STEAP1B: variants seen among roughly 807,000 people sequenced by gnomAD.
The protein encoded by STEAP1B is STEAP family protein MGC87042.
In STEAP1B, 13 loss-of-function variants were observed where a neutral mutation model predicts 27.9. That is an observed-to-expected ratio of 0.47 (90% CI 0.30 to 0.74). STEAP1B has a LOEUF of 0.74. STEAP1B is among the 30% of genes least tolerant of loss of function. The probability of loss-of-function intolerance (pLI) is 0.06; values close to 1 mark genes in which losing one functional copy is unlikely to be tolerated. For missense variants in STEAP1B, 250 were observed against 298.7 expected (o/e 0.84, Z 1.20); for synonymous variants, 86 against 107.1 (o/e 0.80, Z 1.22).
intron 4 of STEAP1B, among the ~76,000 whole-genome samples, chr7:22,479,760 G>T (rs4585644): frequency 6.9e-6 from 1 of 145,500 alleles, no homozygotes; most frequent in Admixed American, 6.9e-5. Flanking sequence ...TCTTGGCCCA[G>T]TGCAGCCTCC....
rs1786084185 is a variant in STEAP1B, at chr7:22,482,038, TC to T, written c.762+10526del. Reference sequence around the variant, plus strand: ...TGTGTTCTCTCTGGAAACTGACTGCTCCCCACAGGGGCCAGGCAGAGCCATG... The same window carrying T: ...TGTGTTCTCTCTGGAAACTGACTGCTCCCACAGGGGCCAGGCAGAGCCATG... On this transcript the variant is annotated intron_variant, in intron 4 of 4. Coordinates refer to ENST00000678116, the MANE Select transcript of STEAP1B (RefSeq NM_001382447.1). Among the ~76,000 whole-genome samples the T allele has an allele frequency of 2.0e-5, 3 of 152,274 alleles. No individual in the cohort carries two copies. In the South Asian group the frequency reaches 6.2e-4, roughly 32 times the overall value.
intron 4 of STEAP1B, among the ~76,000 whole-genome samples, chr7:22,477,149 C>A (rs1785987091): frequency 6.6e-6 from 1 of 152,198 alleles, no homozygotes; most frequent in African/African-American, 2.4e-5. Flanking sequence ...TGGTGAGACG[C>A]AAGTCATGGG....
chr7:22,425,458 T>C (rs1785094079), intron 4 of STEAP1B, among the ~76,000 whole-genome samples: 1 of 152,126 alleles, frequency 6.6e-6, no homozygotes, highest in Non-Finnish European at 1.5e-5. Flanking sequence ...AGGCCCAAAG[T>C]CAGTCAACGC....
intron 4 of STEAP1B, among the ~76,000 whole-genome samples, chr7:22,476,903 T>A (rs1462829302): frequency 1.3e-5 from 2 of 152,196 alleles, no homozygotes; most frequent in Non-Finnish European, 2.9e-5. Flanking sequence ...CATCTCCTTG[T>A]GGCTCAGTGC....
At position 22,493,708 on chromosome 7, in the gene STEAP1B, C is replaced by A; in HGVS notation, c.213G>T (p.Trp71Cys). The A allele has an allele frequency of 6.2e-7, 1 of 1,613,966 alleles. No individual in the cohort carries two copies. The highest frequency in any genetic ancestry group is 8.5e-7 in the Non-Finnish European group (1 of 1,179,862). ...CAGCAGCTATTTTAATTGGCAAGTGCCACTGTGGAAAGAGTTCCTGTGCGT... is the reference window on the plus strand; with the variant it reads ...CAGCAGCTATTTTAATTGGCAAGTGACACTGTGGAAAGAGTTCCTGTGCGT... ...LQHAQELFPQWHLPIKIAAVM... is the reference protein window; with the variant it reads ...LQHAQELFPQCHLPIKIAAVM... Residue 71 changes from tryptophan (W) to cysteine (C), a missense_variant, in exon 3 of 5, where the codon TGG becomes TGT. Transcript: ENST00000678116.
intron 2 of STEAP1B, among the ~76,000 whole-genome samples, chr7:22,494,135 C>T (rs542679754): frequency 1.4e-5 from 2 of 142,718 alleles, no homozygotes; most frequent in Admixed American, 7.0e-5. Flanking sequence ...TTATTAATTA[C>T]TTTTCCCTAT....
chr7:22,491,474 G>T (rs1786320390), intron 4 of STEAP1B, among the ~76,000 whole-genome samples: 1 of 152,042 alleles, frequency 6.6e-6, no homozygotes, highest in Non-Finnish European at 1.5e-5. Flanking sequence ...GAGAGCGAAA[G>T]GGAGAGAAAG....
At chr7:22,494,008 CTT>C (rs1437879669) in intron 2 of STEAP1B, among the ~76,000 whole-genome samples, 172 bp from the exon 3 acceptor site, 6 of 137,776 alleles carry the variant, frequency 4.4e-5, no homozygotes, top group Non-Finnish European at 9.3e-5. Context: ...CACTGAAAGA[CTT>C]TTGTCTTTAG....
chr7:22,469,832 T>C (rs1354892122), intron 4 of STEAP1B, among the ~76,000 whole-genome samples: 1 of 152,212 alleles, frequency 6.6e-6, no homozygotes, highest in Non-Finnish European at 1.5e-5. Context: ...GAGTGCATAC[T>C]GCAGAGCCAG....
At position 22,484,962 on chromosome 7, in the gene STEAP1B, T is replaced by G. The variant is rs143699406; in HGVS notation, c.762+7603A>C. Among the ~76,000 whole-genome samples the G allele has an allele frequency of 3.9e-5, 6 of 152,362 alleles. No individual in the cohort carries two copies. In the East Asian group the frequency reaches 1.2e-3, roughly 29 times the overall value. On this transcript the variant is annotated intron_variant, in intron 4 of 4. Transcript: ENST00000678116. The stretch of plus-strand genomic sequence containing the variant: ...CAGCCTGAAGCTGTGACTGAGTTGC[T>G]GCAATTTCATGATAAAACTTGAACA...
intron 4 of STEAP1B, among the ~76,000 whole-genome samples, chr7:22,474,092 T>C (rs1236690507): frequency 6.6e-6 from 1 of 152,242 alleles, no homozygotes; most frequent in African/African-American, 2.4e-5. Flanking sequence ...TCAACTTATA[T>C]GCCTGGCAGT....
At chr7:22,424,862 GA>G (rs909340411) in intron 4 of STEAP1B, among the ~76,000 whole-genome samples, 1 of 126,138 alleles carries the variant, frequency 7.9e-6, no homozygotes, top group Non-Finnish European at 1.7e-5. Context: ...ATTCAGTAAA[GA>G]AAAAAAATCA....
chr7:22,496,408 C>T (rs528864826), intron 1 of STEAP1B, among the ~76,000 whole-genome samples: 51 of 152,022 alleles, frequency 3.4e-4, no homozygotes, highest in Non-Finnish European at 5.9e-4. Flanking sequence ...TAGTGTACAG[C>T]GTTTATAAAG....
At chr7:22,432,062 T>C (rs1562566037) in intron 4 of STEAP1B, among the ~76,000 whole-genome samples, 1 of 152,158 alleles carries the variant, frequency 6.6e-6, no homozygotes, top group Non-Finnish European at 1.5e-5. Flanking sequence ...GATTAGATCA[T>C]GGGTAGAACC....
chr7:22,476,095 A>T (rs1785967016), intron 4 of STEAP1B, among the ~76,000 whole-genome samples: 1 of 152,150 alleles, frequency 6.6e-6, no homozygotes. Context: ...CCGGAACTAC[A>T]GGTGTGAGCC....
chr7:22,475,111 G>C (rs1218453185), intron 4 of STEAP1B, among the ~76,000 whole-genome samples: 1 of 152,182 alleles, frequency 6.6e-6, no homozygotes, highest in African/African-American at 2.4e-5. Flanking sequence ...CAGGCTTGAA[G>C]GCAGGGGTTC....
At chr7:22,421,536 T>C (rs1481516088) in intron 4 of STEAP1B, among the ~76,000 whole-genome samples, 2 of 152,210 alleles carry the variant, frequency 1.3e-5, no homozygotes, top group East Asian at 3.8e-4. Flanking sequence ...TTAGGCCCTT[T>C]GGGGTTTCTC....
chr7:22,438,626 T>A, intron 4 of STEAP1B: 6 of 1,552,172 alleles, frequency 3.9e-6, no homozygotes, highest in Non-Finnish European at 5.2e-6. Flanking sequence ...CTCCTAGTCT[T>A]GGAAGGTGGT....
chr7:22,495,785 C>T (rs1487636110), intron 1 of STEAP1B, among the ~76,000 whole-genome samples: 1 of 151,984 alleles, frequency 6.6e-6, no homozygotes, highest in Non-Finnish European at 1.5e-5. Context: ...AAGCTGTTTC[C>T]AGGAATAGTT....
Sources: allele counts gnomAD v4.1 joint callset (sites outside exome capture counted in the v4.1 genomes callset), GRCh38; gene constraint gnomAD v4.1.1; transcripts MANE v1.5; gene names NCBI Gene and HGNC (gene_info 2026-07-23, HGNC 2026-07-21).